GRHL1: variants seen among roughly 807,000 people sequenced by gnomAD.
GRHL1 encodes grainyhead like transcription factor 1.
GRHL1 carries 38 observed loss-of-function variants against 75.7 expected under a neutral mutation model. That is an observed-to-expected ratio of 0.50 (90% CI 0.39 to 0.66). The LOEUF (loss-of-function observed/expected upper bound fraction) is 0.66. GRHL1 is among the 30% of genes least tolerant of loss of function. GRHL1 has a pLI of 0.00. For missense variants in GRHL1, 589 were observed against 767.5 expected, an observed-to-expected ratio of 0.77 and a Z score of 2.75; for synonymous variants, 266 against 279.4, an observed-to-expected ratio of 0.95 and a Z score of 0.48.
intron 8 of GRHL1, among the ~76,000 whole-genome samples, chr2:9,972,027 C>A (rs1667747025): frequency 6.6e-6 from 1 of 152,094 alleles, no homozygotes; most frequent in Admixed American, 6.5e-5. Context: ...TGTCATCGCG[C>A]AGGCCGGAGG....
At chr2:9,997,343 G>T (rs532772826) in intron 14 of GRHL1, among the ~76,000 whole-genome samples, 1 of 152,264 alleles carries the variant, frequency 6.6e-6, no homozygotes, top group South Asian at 2.1e-4. Context: ...GAGATGGGGC[G>T]TGGGTTTGGG....
At chr2:9,955,531 C>G (rs779107313) in intron 2 of GRHL1, among the ~76,000 whole-genome samples, 6 of 152,192 alleles carry the variant, frequency 3.9e-5, no homozygotes, top group Non-Finnish European at 5.9e-5. Flanking sequence ...TAGTCTAGGA[C>G]TGTCCAGTTC....
intron 14 of GRHL1, among the ~76,000 whole-genome samples, 166 bp downstream of exon 14, chr2:9,996,567 G>A (rs558734238): frequency 6.6e-6 from 1 of 152,170 alleles, no homozygotes; most frequent in South Asian, 2.1e-4. Context: ...CTCACCCAGG[G>A]GTCTTAACTC....
intron 8 of GRHL1, among the ~76,000 whole-genome samples, chr2:9,969,277 G>A (rs1227345081): frequency 6.6e-6 from 1 of 152,204 alleles, no homozygotes; most frequent in African/African-American, 2.4e-5. Context: ...GCTAGGTGCT[G>A]TGCTAAGGTG....
At chr2:9,994,759 T>A (rs1424337426) in intron 12 of GRHL1, among the ~76,000 whole-genome samples, 1 of 152,176 alleles carries the variant, frequency 6.6e-6, no homozygotes, top group Non-Finnish European at 1.5e-5. Context: ...TATCTACCTC[T>A]TCTCTTGCTT....
intron 8 of GRHL1, among the ~76,000 whole-genome samples, chr2:9,972,014 A>G (rs1339193390): frequency 6.6e-6 from 1 of 152,132 alleles, no homozygotes; most frequent in Non-Finnish European, 1.5e-5. Flanking sequence ...AGAAGCGTAC[A>G]TTTGTCATCG....
intron 8 of GRHL1, among the ~76,000 whole-genome samples, chr2:9,973,452 T>C (rs1305511659): frequency 1.3e-5 from 2 of 152,244 alleles, no homozygotes; most frequent in African/African-American, 4.8e-5. Context: ...GTGTCTGCTG[T>C]ATCATTACTT....
chr2:10,000,131 G>A (rs1572402186), intron 15 of GRHL1, among the ~76,000 whole-genome samples: 1 of 152,152 alleles, frequency 6.6e-6, no homozygotes, highest in Non-Finnish European at 1.5e-5. Flanking sequence ...CTACAGGCAT[G>A]TACCACCATG....
intron 8 of GRHL1, among the ~76,000 whole-genome samples, chr2:9,976,313 G>A (rs1025927573): frequency 6.6e-6 from 1 of 152,136 alleles, no homozygotes; most frequent in African/African-American, 2.4e-5. Context: ...CGGGGGTGGT[G>A]GTGGGGGTTC....
intron 8 of GRHL1, among the ~76,000 whole-genome samples, chr2:9,974,644 G>C (rs11893694): frequency 0.17 from 25,873 of 152,070 alleles, 2,807 homozygotes; most frequent in African/African-American, 0.31. Flanking sequence ...TATTTTCTCT[G>C]TCTCATTATT....
chr2:9,964,557 G>T, intron 7 of GRHL1: 1 of 471,290 alleles, frequency 2.1e-6, no homozygotes, highest in Non-Finnish European at 3.8e-6. Flanking sequence ...CCCACGTGGT[G>T]GCTTTCCACA....
intron 14 of GRHL1, 89 bp downstream of exon 14, chr2:9,996,490 A>C: frequency 1.1e-6 from 1 of 929,468 alleles, no homozygotes; most frequent in Non-Finnish European, 1.8e-6. Context: ...GATGATCCAA[A>C]TCCTTTGTCA....
intron 4 of GRHL1, among the ~76,000 whole-genome samples, chr2:9,961,712 T>C (rs1667283327): frequency 6.6e-6 from 1 of 152,200 alleles, no homozygotes; most frequent in Non-Finnish European, 1.5e-5. Flanking sequence ...GAGAACCCCA[T>C]ACATAATCTT....
intron 8 of GRHL1, among the ~76,000 whole-genome samples, chr2:9,967,547 AC>A (rs1307833919): frequency 6.6e-6 from 1 of 151,992 alleles, no homozygotes; most frequent in East Asian, 1.9e-4. Flanking sequence ...CCCCTTTCAG[AC>A]CCCCAGCACT....
chr2:9,998,710 ATATATGTACACACATATATACG>A, intron 14 of GRHL1, among the ~76,000 whole-genome samples: 1 of 70,684 alleles, frequency 1.4e-5, no homozygotes, highest in African/African-American at 8.1e-5. Context: ...ATATATACAT[ATATATGTACACACATATATACG>A]TATATATGTA....
At chr2:9,998,523 CAT>C (rs374215567) in intron 14 of GRHL1, among the ~76,000 whole-genome samples, 7 of 9,728 alleles carry the variant, frequency 7.2e-4, no homozygotes, top group Non-Finnish European at 1.3e-3. Context: ...TATATATATA[CAT>C]ATATATACGT....
chr2:9,951,769 G>A lies in GRHL1; in HGVS notation c.-65G>A. 6.9e-7 allele frequency: 1 copy of A among 1,456,084 alleles called. No individual in the cohort carries two copies. The highest frequency in any genetic ancestry group is 3.1e-5 in the East Asian group (1 of 32,706). 90.2% of individuals were successfully genotyped at this position (1,456,084 alleles called of 1,614,324 possible). On this transcript the variant is annotated 5_prime_UTR_variant, in exon 1 of 16. Transcript: ENST00000324907. This position sits in a 1 kb window ranked among gnomAD's most constrained non-coding sequence, Gnocchi z 4.2. Reference sequence around the variant, plus strand: ...GCCGCCGCCGCCGCCTCCTCCCCCCGGATCGGGTGTACTGTCCCAACCCGA... The same window carrying A: ...GCCGCCGCCGCCGCCTCCTCCCCCCAGATCGGGTGTACTGTCCCAACCCGA...
intron 1 of GRHL1, chr2:9,953,043 G>A: frequency 2.2e-6 from 1 of 456,792 alleles, no homozygotes; most frequent in South Asian, 1.5e-5. Flanking sequence ...TGAGGAAGTG[G>A]ACTAAGAAAG....
chr2:9,955,142 A>G (rs1372650739), intron 2 of GRHL1, 41 bp downstream of exon 2: 15 of 1,307,072 alleles, frequency 1.1e-5, no homozygotes, highest in Non-Finnish European at 1.5e-5. Context: ...AGCAGTCTCC[A>G]ATGCACTTGA....
Sources: allele counts gnomAD v4.1 joint callset (sites outside exome capture counted in the v4.1 genomes callset), GRCh38; gene constraint gnomAD v4.1.1; non-coding constraint Gnocchi (gnomAD v3.1); transcripts MANE v1.5; gene names NCBI Gene and HGNC (gene_info 2026-07-23, HGNC 2026-07-21).